TNFSF4: variants seen among roughly 807,000 people sequenced by gnomAD.
The protein encoded by TNFSF4 is TNF superfamily member 4.
TNFSF4 carries 4 observed loss-of-function variants against 7.3 expected under a neutral mutation model. The observed-to-expected ratio is 0.55, with a 90% CI of 0.27 to 1.25. The LOEUF (loss-of-function observed/expected upper bound fraction) is 1.25, where lower values mean the gene tolerates loss of function less well. TNFSF4 is among the 50% of genes most tolerant of loss of function. The pLI is 0.12. For missense variants in TNFSF4, 181 were observed against 208.8 expected (o/e 0.87, Z 0.82); for synonymous variants, 76 against 83.7 (o/e 0.91, Z 0.50).
chr1:173,233,725 G>A, the TNFSF4 span, among the ~76,000 whole-genome samples: 2 of 152,072 alleles, frequency 1.3e-5, no homozygotes, highest in African/African-American at 4.8e-5. Context: ...TGAAAAATTC[G>A]AAAGACTATT....
At chr1:173,286,765 T>G in the TNFSF4 span, among the ~76,000 whole-genome samples, 1 of 152,144 alleles carries the variant, frequency 6.6e-6, no homozygotes, top group Admixed American at 6.5e-5. Flanking sequence ...AAATCAAGCA[T>G]GTGTTGATCA....
In TNFSF4 at chr1:173,188,542, T is replaced by G; in HGVS notation, c.181A>C (p.Ser61Arg). ...QVSHRYPRIQ[S>R]IKVQFTEYKK... ...TTACCGGTAAATTGTACTTTGATAC[T>G]TTGAATTCGAGGATACCGATGTGAT... The change falls in exon 2 of 3, where the codon AGT becomes CGT. Residue 61 changes from serine (S) to arginine (R), a missense_variant. Physicochemically the swap from Ser to Arg is moderately radical, Grantham distance 110. Transcript: ENST00000281834. 1 of 1,612,436 alleles carries G rather than the reference T, an allele frequency of 6.2e-7. No individual in the cohort carries two copies. The highest frequency in any genetic ancestry group is 8.5e-7 in the Non-Finnish European group (1 of 1,178,626).
At chr1:173,218,773 T>C in the TNFSF4 span, among the ~76,000 whole-genome samples, 1 of 152,200 alleles carries the variant, frequency 6.6e-6, no homozygotes, top group African/African-American at 2.4e-5. Flanking sequence ...GTGTATTCAT[T>C]TTCTTTTATT....
chr1:173,257,513 A>C, the TNFSF4 span, among the ~76,000 whole-genome samples: 3 of 152,204 alleles, frequency 2.0e-5, no homozygotes, highest in Non-Finnish European at 2.9e-5. Context: ...ACGGGTTACA[A>C]ATTTTAGGGT....
chr1:173,302,235 T>A, the TNFSF4 span, among the ~76,000 whole-genome samples: 1 of 152,040 alleles, frequency 6.6e-6, no homozygotes, highest in South Asian at 2.1e-4. Flanking sequence ...AAGACCCTAT[T>A]CTTTAAAACA....
chr1:173,340,573 G>C, the TNFSF4 span, among the ~76,000 whole-genome samples: 1 of 152,190 alleles, frequency 6.6e-6, no homozygotes, highest in Non-Finnish European at 1.5e-5. Flanking sequence ...CCCCAGGGCA[G>C]ATAGATTTGT....
chr1:173,298,764 T>C, the TNFSF4 span, among the ~76,000 whole-genome samples: 84 of 151,972 alleles, frequency 5.5e-4, no homozygotes, highest in African/African-American at 1.8e-3. Context: ...AATATCATCA[T>C]CACTAATTTA....
chr1:173,366,242 T>A, the TNFSF4 span, among the ~76,000 whole-genome samples: 22 of 152,132 alleles, frequency 1.4e-4, no homozygotes, highest in Non-Finnish European at 2.9e-4. Context: ...TATCAACAGA[T>A]GAATGGATAA....
the TNFSF4 span, among the ~76,000 whole-genome samples, chr1:173,173,186 G>C: frequency 6.6e-6 from 1 of 152,144 alleles, no homozygotes; most frequent in African/African-American, 2.4e-5. Context: ...CACAGAGCCA[G>C]ACTATATCAT....
chr1:173,421,157 GA>G, the TNFSF4 span, among the ~76,000 whole-genome samples: 1 of 152,074 alleles, frequency 6.6e-6, no homozygotes, highest in Non-Finnish European at 1.5e-5. Context: ...AGTTAAATTT[GA>G]ATTTCAGATA....
the TNFSF4 span, among the ~76,000 whole-genome samples, chr1:173,223,726 C>T: frequency 9.9e-5 from 15 of 152,118 alleles, no homozygotes; most frequent in Admixed American, 7.9e-4. Flanking sequence ...TCTTAGAAAC[C>T]TACACAACCA....
chr1:173,387,146 T>C, the TNFSF4 span, among the ~76,000 whole-genome samples: 9 of 152,296 alleles, frequency 5.9e-5, no homozygotes, highest in Admixed American at 5.9e-4. Context: ...ATGAAGGTAT[T>C]TTGTATGTGA....
At chr1:173,319,815 C>T in the TNFSF4 span, among the ~76,000 whole-genome samples, 1 of 152,186 alleles carries the variant, frequency 6.6e-6, no homozygotes, top group Non-Finnish European at 1.5e-5. Flanking sequence ...GCAACACCAA[C>T]AAAGAAGACC....
At chr1:173,384,005 T>C in the TNFSF4 span, among the ~76,000 whole-genome samples, 7 of 152,240 alleles carry the variant, frequency 4.6e-5, no homozygotes, top group Non-Finnish European at 1.0e-4. Flanking sequence ...TCATCTTCTT[T>C]ACCCCCCATT....
At chr1:173,228,935 A>G in the TNFSF4 span, among the ~76,000 whole-genome samples, 1 of 152,262 alleles carries the variant, frequency 6.6e-6, no homozygotes, top group Non-Finnish European at 1.5e-5. Flanking sequence ...CTATGTGAAG[A>G]GACCAAATCT....
the TNFSF4 span, among the ~76,000 whole-genome samples, chr1:173,364,746 G>C: frequency 6.6e-6 from 1 of 152,148 alleles, no homozygotes; most frequent in South Asian, 2.1e-4. Flanking sequence ...CAAATATAGG[G>C]AAATGGGAAC....
chr1:173,400,032 T>G, the TNFSF4 span, among the ~76,000 whole-genome samples: 1 of 152,252 alleles, frequency 6.6e-6, no homozygotes, highest in East Asian at 1.9e-4. Flanking sequence ...TGGATGCGGA[T>G]TTGTGTTCCC....
In TNFSF4 at chr1:173,188,537, G is replaced by T; in HGVS notation, c.186C>A (p.Ile62=). The T allele has an allele frequency of 1.9e-6, 3 of 1,612,052 alleles. No individual in the cohort carries two copies. Among genetic ancestry groups the T allele is most frequent in the Non-Finnish European group, 2.5e-6 (3 of 1,178,324 alleles). The part of the protein sequence containing the change: ...VSHRYPRIQS[I]KVQFTEYKKE... Reference sequence around the variant, plus strand: ...AATACTTACCGGTAAATTGTACTTTGATACTTTGAATTCGAGGATACCGAT... The same window carrying T: ...AATACTTACCGGTAAATTGTACTTTTATACTTTGAATTCGAGGATACCGAT... Residue 62 remains isoleucine (I), a synonymous_variant, in exon 2 of 3, where the codon ATC becomes ATA. Coordinates refer to ENST00000281834, the MANE Select transcript of TNFSF4 (RefSeq NM_003326.5).
At chr1:173,420,431 T>A in the TNFSF4 span, among the ~76,000 whole-genome samples, 62 of 152,332 alleles carry the variant, frequency 4.1e-4, no homozygotes, top group Non-Finnish European at 7.5e-4. Flanking sequence ...CTTACTGTCA[T>A]GACGCGGCCT....
Sources: allele counts gnomAD v4.1 joint callset (sites outside exome capture counted in the v4.1 genomes callset), GRCh38; gene constraint gnomAD v4.1.1; transcripts MANE v1.5; gene names NCBI Gene and HGNC (gene_info 2026-07-23, HGNC 2026-07-21).